Variants in MPPED2 observed in about 807,000 individuals in gnomAD.
MPPED2 encodes metallophosphoesterase MPPED2.
Under a neutral mutation model 33.0 loss-of-function variants are expected in MPPED2, and 5 were observed. The ratio of observed to expected loss-of-function variants is 0.15; its 90% CI spans 0.08 to 0.32. MPPED2 has a LOEUF of 0.32. Among genes scored for constraint, MPPED2 ranks in the 10% least tolerant of loss-of-function variants. The pLI, the probability that MPPED2 is intolerant of heterozygous loss-of-function variation, is 1.00. For synonymous variants in MPPED2, 136 were observed against 141.9 expected (o/e 0.96, Z 0.29); for missense variants, 275 against 372.1 (o/e 0.74, Z 2.15).
chr11:30,583,190 A>G (rs1957270124), intron 1 of MPPED2, among the ~76,000 whole-genome samples: 1 of 130,288 alleles, frequency 7.7e-6, no homozygotes, highest in Non-Finnish European at 1.6e-5. Flanking sequence ...GACAAGGGAC[A>G]ATAGACAAAA....
At position 30,411,239 on chromosome 11, in the gene MPPED2, G is replaced by C. The variant is rs1948089595; in HGVS notation, c.*229C>G. 1.7e-6 allele frequency: 2 copies of C among 1,162,098 alleles called. No homozygotes were observed. Among genetic ancestry groups the C allele is most frequent in the South Asian group, 7.4e-5 (2 of 27,006 alleles). 72.0% of individuals were successfully genotyped at this position (1,162,098 alleles called of 1,614,324 possible). On this transcript the variant is annotated 3_prime_UTR_variant, in exon 7 of 7. Coordinates refer to ENST00000358117, the MANE Select transcript of MPPED2 (RefSeq NM_001584.3). ...AACAATTTACAATGGCATGGCCTTT[G>C]AGAAAACAGAAGTCATTTTACAAAT... is the stretch of plus-strand genomic sequence containing the variant.
intron 4 of MPPED2, 24 bp from the exon 5 acceptor site, chr11:30,417,657 G>GTA (rs1410135362): frequency 2.1e-6 from 3 of 1,407,370 alleles, no homozygotes; most frequent in Non-Finnish European, 3.0e-6. Flanking sequence ...AATGCACATG[G>GTA]TATCAGGCCA....
chr11:30,540,007 T>C (rs1488150545), intron 2 of MPPED2, among the ~76,000 whole-genome samples: 1 of 152,182 alleles, frequency 6.6e-6, no homozygotes, highest in Non-Finnish European at 1.5e-5. Flanking sequence ...TTTTCATAGC[T>C]TTACTTGTTA....
intron 2 of MPPED2, among the ~76,000 whole-genome samples, chr11:30,561,030 C>A (rs981616889): frequency 6.6e-6 from 1 of 152,150 alleles, no homozygotes. Context: ...AGGTGTTCAA[C>A]CCACATGCAA....
intron 2 of MPPED2, among the ~76,000 whole-genome samples, chr11:30,551,026 C>T (rs990939887): frequency 6.6e-6 from 1 of 152,166 alleles, no homozygotes; most frequent in Non-Finnish European, 1.5e-5. Flanking sequence ...TTGACTCATA[C>T]ATAATTTCAA....
At chr11:30,468,794 A>C (rs1950827811) in intron 4 of MPPED2, 2 of 152,160 alleles carry the variant, frequency 1.3e-5, no homozygotes, top group African/African-American at 2.4e-5. Context: ...CCAATCATAA[A>C]CCTGAAAATA....
chr11:30,504,431 G>A (rs1461631030), intron 3 of MPPED2, among the ~76,000 whole-genome samples: 2 of 152,140 alleles, frequency 1.3e-5, no homozygotes, highest in African/African-American at 2.4e-5. Context: ...AATTACTGGG[G>A]GCTGATAGCA....
At chr11:30,578,973 C>T (rs1957045387) in intron 2 of MPPED2, among the ~76,000 whole-genome samples, 1 of 149,800 alleles carries the variant, frequency 6.7e-6, no homozygotes, top group Non-Finnish European at 1.5e-5. Context: ...AATAGTTTAG[C>T]AGTAACCACT....
intron 4 of MPPED2, among the ~76,000 whole-genome samples, chr11:30,477,700 G>T (rs979659257): frequency 4.6e-5 from 7 of 151,954 alleles, no homozygotes; most frequent in Admixed American, 4.6e-4. Context: ...TTAGGTTTTG[G>T]TATTAATGTC....
chr11:30,444,626 GAAAT>G (rs1949723351), intron 4 of MPPED2, among the ~76,000 whole-genome samples: 1 of 151,986 alleles, frequency 6.6e-6, no homozygotes, highest in African/African-American at 2.4e-5. Context: ...TTAAAAAGAG[GAAAT>G]AAATTAACTC....
chr11:30,411,783 T>C (rs2133732168), intron 6 of MPPED2, among the ~76,000 whole-genome samples, 197 bp from the exon 7 acceptor site: 1 of 152,334 alleles, frequency 6.6e-6, no homozygotes, highest in South Asian at 2.1e-4. Flanking sequence ...TAGAATCTTC[T>C]CCTTCAACTA....
rs1358781625 is a variant in MPPED2 at position 30,404,766 on chromosome 11, G to A, written c.766+9462C>T. Among the ~76,000 whole-genome samples, 3 of 152,048 alleles carry A rather than the reference G, an allele frequency of 2.0e-5. No individual in the cohort carries two copies. In the East Asian group the frequency reaches 5.8e-4, roughly 29 times the overall value. On this transcript the variant is annotated intron_variant, in intron 6 of 6. Coordinates refer to the MPPED2 transcript ENST00000448418. ...AAAGACTCTTTCATGGTAAATACTG[G>A]GTCTTACAAATGAAGCTTACTAGCA...
intron 4 of MPPED2, among the ~76,000 whole-genome samples, chr11:30,491,842 G>C (rs117918682): frequency 0.021 from 3,155 of 152,340 alleles, 42 homozygotes; most frequent in Middle Eastern, 0.051. Flanking sequence ...CCCAAAAACA[G>C]ATGATGAAAC....
chr11:30,508,731 C>G (rs981138818), intron 3 of MPPED2, among the ~76,000 whole-genome samples: 1 of 152,152 alleles, frequency 6.6e-6, no homozygotes, highest in Non-Finnish European at 1.5e-5. Context: ...TCTATTATTG[C>G]CCACAGACAA....
At chr11:30,533,447 C>T (rs1009016663) in intron 3 of MPPED2, among the ~76,000 whole-genome samples, 1 of 151,962 alleles carries the variant, frequency 6.6e-6, no homozygotes, top group Admixed American at 6.6e-5. Context: ...TCTGTGAGAC[C>T]CATGCCCCAC....
intron 3 of MPPED2, among the ~76,000 whole-genome samples, chr11:30,503,327 A>C (rs7938198): frequency 0.046 from 7,042 of 152,100 alleles, 528 homozygotes; most frequent in African/African-American, 0.16. Flanking sequence ...CTCCTTTATA[A>C]ATTACCCAGT....
intron 3 of MPPED2, among the ~76,000 whole-genome samples, chr11:30,505,124 A>G (rs1176892016): frequency 6.6e-6 from 1 of 152,182 alleles, no homozygotes; most frequent in Non-Finnish European, 1.5e-5. Flanking sequence ...GCAGGTAACA[A>G]CTGACAAGTG....
intron 2 of MPPED2, among the ~76,000 whole-genome samples, chr11:30,559,670 A>AT (rs1017047239): frequency 2.0e-5 from 3 of 152,198 alleles, no homozygotes; most frequent in Admixed American, 6.5e-5. Context: ...TTTGAAAGTT[A>AT]TTTTTTTAAT....
intron 2 of MPPED2, among the ~76,000 whole-genome samples, chr11:30,563,230 G>A (rs929780068): frequency 1.3e-5 from 2 of 152,148 alleles, no homozygotes; most frequent in Non-Finnish European, 2.9e-5. Context: ...CCAGGGACAG[G>A]TGTGGTGAAA....
Sources: allele counts gnomAD v4.1 joint callset (sites outside exome capture counted in the v4.1 genomes callset), GRCh38; gene constraint gnomAD v4.1.1; transcripts MANE v1.5; gene names NCBI Gene and HGNC (gene_info 2026-07-23, HGNC 2026-07-21).